OSBPL5: variants seen among roughly 807,000 people sequenced by gnomAD.
OSBPL5 encodes the protein oxysterol-binding protein-related protein 5.
Under a neutral mutation model 111.2 loss-of-function variants are expected in OSBPL5, and 71 were observed. The ratio of observed to expected loss-of-function variants is 0.64; its 90% CI spans 0.53 to 0.78. OSBPL5 has a LOEUF of 0.78. Among genes scored for constraint, OSBPL5 ranks in the 30% least tolerant of loss-of-function variants. OSBPL5 has a pLI of 0.00. For missense variants in OSBPL5, 1,210 were observed against 1,189.3 expected (o/e 1.02, Z -0.26); for synonymous variants, 549 against 513.9 (o/e 1.07, Z -0.93).
In OSBPL5 at chr11:3,103,113, C is replaced by CTTCT. The variant is rs1857514626; in HGVS notation, c.1326+125_1326+126insAGAA. ...GACCTGGGCCCTCTGTGGGGGTGAC[C>CTTCT]AGGATCCTTCTAAGCCATGTGGGGT... On this transcript the variant is annotated intron_variant, in intron 11 of 21. Coordinates refer to ENST00000263650, the MANE Select transcript of OSBPL5 (RefSeq NM_020896.4). 3 of 777,954 alleles carry CTTCT rather than the reference C, an allele frequency of 3.9e-6. No individual in the cohort carries two copies. The Admixed American group carries it at 9.3e-5, about 24-fold the overall frequency. The allele number at this position is 777,954 out of a possible 1,614,324, so 48.2% of individuals were successfully genotyped here. A position where few individuals can be genotyped will look rare whatever the true frequency, so the allele number is the denominator to read the frequency against.
intron 7 of OSBPL5, among the ~76,000 whole-genome samples, chr11:3,112,038 T>TGC (rs1857982661): frequency 2.1e-5 from 2 of 96,130 alleles, no homozygotes; most frequent in African/African-American, 8.4e-5. Flanking sequence ...TGTGTGTATG[T>TGC]GTGCGCGCAT....
At chr11:3,111,994 CATGTGT>C (rs1857968046) in intron 7 of OSBPL5, among the ~76,000 whole-genome samples, 1 of 97,374 alleles carries the variant, frequency 1.0e-5, no homozygotes, top group African/African-American at 3.2e-5. Flanking sequence ...CATGTGTGTG[CATGTGT>C]GTGTGTGTGC....
intron 1 of OSBPL5, among the ~76,000 whole-genome samples, chr11:3,150,679 C>T (rs1013261860): frequency 6.6e-6 from 1 of 152,196 alleles, no homozygotes; most frequent in African/African-American, 2.4e-5. Flanking sequence ...GTGGCCACAC[C>T]CAACTTTCAT....
chr11:3,100,925 G>A (rs941893705), intron 13 of OSBPL5, among the ~76,000 whole-genome samples: 3 of 151,522 alleles, frequency 2.0e-5, no homozygotes, highest in Admixed American at 6.6e-5. Flanking sequence ...CCAACACTGA[G>A]CCTGTGTGAT....
At position 3,154,697 on chromosome 11, in the gene OSBPL5, T is replaced by C. The variant is rs1564868203; in HGVS notation, c.-22+10519A>G. Among the ~76,000 whole-genome samples the C allele has an allele frequency of 6.6e-6, 1 of 152,126 alleles. No homozygotes were observed. The highest frequency in any genetic ancestry group is 1.5e-5 in the Non-Finnish European group (1 of 68,030). ...GTTAGTCTGACTGCTCCACTACCCA[T>C]GGTTATGGGCTAAATGTGTCCCCTC... is the stretch of plus-strand genomic sequence containing the variant. On this transcript the variant is annotated intron_variant, in intron 1 of 21. Coordinates refer to ENST00000263650, the MANE Select transcript of OSBPL5 (RefSeq NM_020896.4). This position sits in a 1 kb window ranked among gnomAD's most constrained non-coding sequence, Gnocchi z 4.9.
In OSBPL5 at chr11:3,104,420, G is replaced by C; in HGVS notation, c.1060-43C>G. ...CAGTCAGGCCCTGCCCGGAAGAGCC[G>C]GGAGGAAGGGGTGGCGGGACAGTGG... On this transcript the variant is annotated intron_variant, in intron 9 of 21. Coordinates refer to ENST00000263650, the MANE Select transcript of OSBPL5 (RefSeq NM_020896.4). The surrounding 1 kb of genome is among the most constrained non-coding windows in gnomAD (Gnocchi z 5.0). The C allele has an allele frequency of 6.3e-7, 1 of 1,588,524 alleles. No homozygotes were observed. Among genetic ancestry groups the C allele is most frequent in the East Asian group, 2.2e-5 (1 of 44,600 alleles).
chr11:3,128,797 T>C (rs2134474668), intron 2 of OSBPL5, among the ~76,000 whole-genome samples: 1 of 152,024 alleles, frequency 6.6e-6, no homozygotes, highest in East Asian at 1.9e-4. Context: ...AACCCCCTCC[T>C]CAACCAGATG....
chr11:3,090,553 C>G lies in OSBPL5; in HGVS notation c.2398+5G>C. 3.1e-6 allele frequency: 5 copies of G among 1,611,942 alleles called. No homozygotes were observed. Among genetic ancestry groups the G allele is most frequent in the Non-Finnish European group, 4.2e-6 (5 of 1,179,232 alleles). ...GGCCTTGGGGCTGGGCCCAAGGGGG[C>G]TCACCAGGGACAAAGTCACCATCCT... is the stretch of plus-strand genomic sequence containing the variant. On this transcript the variant is annotated splice_donor_5th_base_variant and intron_variant, in intron 20 of 21. Transcript: ENST00000263650.
intron 17 of OSBPL5, among the ~76,000 whole-genome samples, 176 bp from the exon 18 acceptor site, chr11:3,093,228 G>GT: frequency 6.6e-6 from 1 of 152,300 alleles, no homozygotes; most frequent in Middle Eastern, 3.4e-3. Context: ...CATGAGATGG[G>GT]TTTTTCCAAC....
At position 3,092,414 on chromosome 11, in the gene OSBPL5, G is replaced by A. The variant is rs1267248785; in HGVS notation, c.2259+18C>T. 2 of 1,567,342 alleles carry A rather than the reference G, an allele frequency of 1.3e-6. No homozygotes were observed. Among genetic ancestry groups the A allele is most frequent in the Non-Finnish European group, 1.7e-6 (2 of 1,154,618 alleles). On this transcript the variant is annotated intron_variant, in intron 19 of 21. Transcript: ENST00000263650. This position sits in a 1 kb window ranked among gnomAD's most constrained non-coding sequence, Gnocchi z 5.4. ...TGCAGCTAAGACCAGCCCTGGGTGGGGCCTGTGGGGTGCTGACCTCGTGCC... is the reference window on the plus strand; with the variant it reads ...TGCAGCTAAGACCAGCCCTGGGTGGAGCCTGTGGGGTGCTGACCTCGTGCC...
intron 1 of OSBPL5, among the ~76,000 whole-genome samples, chr11:3,143,908 T>A (rs2134519493): frequency 6.6e-6 from 1 of 152,230 alleles, no homozygotes; most frequent in East Asian, 1.9e-4. Flanking sequence ...GCAGATGCTG[T>A]GGAATCGACA....
At chr11:3,160,672 T>TGCCCCCCCCCC (rs1846933748) in intron 1 of OSBPL5, among the ~76,000 whole-genome samples, 1 of 122,440 alleles carries the variant, frequency 8.2e-6, no homozygotes. Context: ...ATGACAACCC[T>TGCCCCCCCCCC]CCCCCCCCCC....
At position 3,107,372 on chromosome 11, in the gene OSBPL5, T is replaced by C. The variant is rs774964850; in HGVS notation, c.950A>G (p.Gln317Arg). Residue 317 changes from glutamine to arginine, a missense_variant, in exon 9 of 22, where the codon CAG becomes CGG. Gln to Arg is a conservative substitution (Grantham distance 43). Transcript: ENST00000263650. This position sits in a 1 kb window ranked among gnomAD's most constrained non-coding sequence, Gnocchi z 6.1. ...ENPEESDTET[Q>R]DHSRKTESGS... ...ACTCTCCGTCTTCCGGCTATGGTCCTGGGTCTCGGTATCTGACTCCTCAGG... is the reference window on the plus strand; with the variant it reads ...ACTCTCCGTCTTCCGGCTATGGTCCCGGGTCTCGGTATCTGACTCCTCAGG... 59 of 1,613,934 alleles carry C rather than the reference T, an allele frequency of 3.7e-5. No individual in the cohort carries two copies. The highest frequency in any genetic ancestry group is 3.3e-4 in the Middle Eastern group (2 of 6,084).
At position 3,120,514 on chromosome 11, in the gene OSBPL5, C is replaced by T. The variant is rs34950527; in HGVS notation, c.513G>A (p.Leu171=). 0.13 allele frequency: 208,088 copies of T among 1,613,204 alleles called. 14,143 individuals are homozygous for T. Among genetic ancestry groups the T allele is most frequent in the African/African-American group, 0.16 (11,832 of 75,036 alleles). The change falls in exon 6 of 22, where the codon CTG becomes CTA. Residue 171 remains leucine (L), a synonymous_variant. Coordinates refer to ENST00000263650, the MANE Select transcript of OSBPL5 (RefSeq NM_020896.4). The stretch of plus-strand genomic sequence containing the variant: ...GCCGCTCGATGAGCTCGCAGCAGTG[C>T]AGCAGCACCGTGCCCACCCACTGGC... The part of the protein sequence containing the change: ...KVGQWVGTVL[L]HCCELIERPS...
intron 1 of OSBPL5, among the ~76,000 whole-genome samples, chr11:3,157,777 C>T (rs1009642560): frequency 9.9e-5 from 15 of 152,232 alleles, no homozygotes; most frequent in Non-Finnish European, 1.8e-4. Context: ...TTGCAGCAGC[C>T]GGAAGGTTCT....
At position 3,162,148 on chromosome 11, in the gene OSBPL5, G is replaced by A. The variant is rs903336916; in HGVS notation, c.-22+3068C>T. 1.3e-5 allele frequency among the ~76,000 whole-genome samples: 2 copies of A among 152,172 alleles called. No individual in the cohort carries two copies. Among genetic ancestry groups the A allele is most frequent in the African/African-American group, 4.8e-5 (2 of 41,426 alleles). ...GTTTATCTTTTTAAACACCATGCTG[G>A]CTGCTGGCTGGAGAAGGGCTAGGAA... On this transcript the variant is annotated intron_variant, in intron 1 of 21. Transcript: ENST00000263650. The surrounding 1 kb of genome is among the most constrained non-coding windows in gnomAD (Gnocchi z 8.1).
At chr11:3,122,542 A>G in intron 3 of OSBPL5, 114 bp from the exon 4 acceptor site, 4 of 902,578 alleles carry the variant, frequency 4.4e-6, no homozygotes, top group Non-Finnish European at 6.7e-6. Flanking sequence ...AGGGCGCTCC[A>G]CTCGTTTCCC....
intron 1 of OSBPL5, among the ~76,000 whole-genome samples, chr11:3,158,103 G>A (rs7927685): frequency 0.015 from 2,356 of 152,310 alleles, 68 homozygotes; most frequent in African/African-American, 0.054. Flanking sequence ...TTCCAGACGG[G>A]GCCCACATCC....
Position 3,092,678 on chromosome 11 carries a change from C to A in OSBPL5, c.2133-120G>T. ...AGACCTCCAGGAGAATGACCACTGCCCACACCCCATGGGCAGGGCCTGCAG... is the reference window on the plus strand; with the variant it reads ...AGACCTCCAGGAGAATGACCACTGCACACACCCCATGGGCAGGGCCTGCAG... On this transcript the variant is annotated intron_variant, in intron 18 of 21. Transcript: ENST00000263650. This position sits in a 1 kb window ranked among gnomAD's most constrained non-coding sequence, Gnocchi z 5.4. 1 of 1,389,246 alleles carries A rather than the reference C, an allele frequency of 7.2e-7. No individual in the cohort carries two copies. The highest frequency in any genetic ancestry group is 2.5e-5 in the East Asian group (1 of 39,548). The allele number at this position is 1,389,246 out of a possible 1,614,324, so 86.1% of individuals were successfully genotyped here. A position where few individuals can be genotyped will look rare whatever the true frequency, so the allele number is the denominator to read the frequency against.
Sources: gnomAD v4.1 joint callset for allele counts (sites outside exome capture counted in the v4.1 genomes callset) on GRCh38, gnomAD v4.1.1 for gene constraint, Gnocchi (gnomAD v3.1) non-coding constraint, MANE v1.5 for transcripts, NCBI Gene and HGNC (gene_info 2026-07-23, HGNC 2026-07-21) for gene names.